Variants in GAS7 observed in about 807,000 individuals in gnomAD.
GAS7 encodes growth arrest specific 7.
GAS7 carries 28 observed loss-of-function variants against 71.1 expected under a neutral mutation model. The observed-to-expected ratio is 0.39, with a 90% CI of 0.29 to 0.54. GAS7 has a LOEUF of 0.54. GAS7 is among the 20% of genes least tolerant of loss of function. The pLI, the probability that GAS7 is intolerant of heterozygous loss-of-function variation, is 0.62. For missense variants in GAS7, 436 were observed against 627.8 expected (o/e 0.69, Z 3.27); for synonymous variants, 258 against 245.8 (o/e 1.05, Z -0.46).
At chr17:9,949,638 C>T (rs188076336) in intron 5 of GAS7, among the ~76,000 whole-genome samples, 3 of 152,294 alleles carry the variant, frequency 2.0e-5, no homozygotes, top group African/African-American at 7.2e-5. Context: ...GCTGAGGTCC[C>T]CACCACCCTA....
chr17:9,933,919 A>G (rs2152083208), intron 9 of GAS7, among the ~76,000 whole-genome samples: 1 of 152,024 alleles, frequency 6.6e-6, no homozygotes, highest in Middle Eastern at 3.4e-3. Flanking sequence ...ACACTTTACT[A>G]TTTTCCATGC....
rs1029754517 is a variant in GAS7, at chr17:9,926,580, C to A, written c.1014+61G>T. ...ATGGAGCCACTGCTGGCTTCCCAGT[C>A]CCCCTTCTTCCAGGCAGTCCCCCAT... On this transcript the variant is annotated intron_variant, in intron 10 of 13. Coordinates refer to ENST00000432992, the MANE Select transcript of GAS7 (RefSeq NM_201433.2). The surrounding 1 kb of genome is among the most constrained non-coding windows in gnomAD (Gnocchi z 5.0). 1 of 1,572,900 alleles carries A rather than the reference C, an allele frequency of 6.4e-7. No individual in the cohort carries two copies. The highest frequency in any genetic ancestry group is 8.7e-7 in the Non-Finnish European group (1 of 1,150,464).
intron 1 of GAS7, among the ~76,000 whole-genome samples, chr17:10,133,557 T>C (rs2074015764): frequency 6.6e-6 from 1 of 152,228 alleles, no homozygotes; most frequent in Admixed American, 6.5e-5. Context: ...TTATTTGTGG[T>C]GAGAACAATT....
intron 1 of GAS7, among the ~76,000 whole-genome samples, chr17:10,180,818 A>C (rs1368461485): frequency 6.6e-6 from 1 of 152,044 alleles, no homozygotes; most frequent in Non-Finnish European, 1.5e-5. Flanking sequence ...TACCATGGGC[A>C]GCAAACTCAG....
chr17:9,959,266 A>G lies in GAS7; in HGVS notation c.472-11T>C, dbSNP rs1465139896. The stretch of plus-strand genomic sequence containing the variant: ...TGAGGATCCCAGGTTCTGGGGAGAG[A>G]GGCAAGAAACATCGTCAAAGCTGTT... On this transcript the variant is annotated splice_polypyrimidine_tract_variant and intron_variant, in intron 4 of 13. Coordinates refer to ENST00000432992, the MANE Select transcript of GAS7 (RefSeq NM_201433.2). The surrounding 1 kb of genome is among the most constrained non-coding windows in gnomAD (Gnocchi z 5.0). 6.2e-7 allele frequency: 1 copy of G among 1,613,950 alleles called. No homozygotes were observed. Among genetic ancestry groups the G allele is most frequent in the Non-Finnish European group, 8.5e-7 (1 of 1,179,954 alleles).
intron 2 of GAS7, among the ~76,000 whole-genome samples, chr17:10,009,691 C>CAAAAAAAAAAAAAAA (rs2071690145): frequency 7.3e-6 from 1 of 136,646 alleles, no homozygotes; most frequent in African/African-American, 3.2e-5. Flanking sequence ...AAAAAAAAAC[C>CAAAAAAAAAAAAAAA]AAACAAAAAA....
Position 10,112,779 on chromosome 17 carries a change from G to A in GAS7, c.183+85429C>T, listed in dbSNP as rs983540881. Among the ~76,000 whole-genome samples the A allele has an allele frequency of 4.6e-4, 60 of 130,244 alleles. 2 individuals are homozygous for A. Among genetic ancestry groups the A allele is most frequent in the East Asian group, 4.3e-4 (2 of 4,608 alleles). The allele number at this position is 130,244 out of a possible 152,430, so 85.4% of individuals were successfully genotyped here. ...AAAAGAAAAAAGAAAGAAAGAAAGA[G>A]AGAAAGAGAAAGAAAGAAAAGAAAA... On this transcript the variant is annotated intron_variant, in intron 1 of 13. Transcript: ENST00000432992.
At chr17:10,064,492 C>T (rs1439831617) in intron 1 of GAS7, among the ~76,000 whole-genome samples, 10 of 152,252 alleles carry the variant, frequency 6.6e-5, no homozygotes, top group Admixed American at 5.2e-4. Flanking sequence ...TCCTGCCTGG[C>T]CAATTAGCAC....
chr17:10,045,604 G>A (rs922984970), intron 1 of GAS7, among the ~76,000 whole-genome samples: 10 of 152,210 alleles, frequency 6.6e-5, no homozygotes, highest in African/African-American at 2.4e-4. Context: ...GGCTGAGACA[G>A]GAGAATTGCT....
At chr17:9,979,624 A>T (rs2152127350) in intron 3 of GAS7, among the ~76,000 whole-genome samples, 1 of 152,136 alleles carries the variant, frequency 6.6e-6, no homozygotes, top group Non-Finnish European at 1.5e-5. Context: ...TGGAGAAGTG[A>T]CCCCATGACT....
intron 1 of GAS7, among the ~76,000 whole-genome samples, chr17:10,147,017 A>C (rs1224074569): frequency 6.6e-6 from 1 of 151,604 alleles, no homozygotes; most frequent in African/African-American, 2.4e-5. Context: ...TTCATTTAGG[A>C]CCTACTGTCT....
At chr17:10,136,930 T>C (rs74503254) in intron 1 of GAS7, among the ~76,000 whole-genome samples, 12,221 of 151,988 alleles carry the variant, frequency 0.08, 1,116 homozygotes, top group East Asian at 0.45. Flanking sequence ...AAGACCAGCA[T>C]GGGAAAGATG....
intron 1 of GAS7, among the ~76,000 whole-genome samples, chr17:10,116,554 C>T (rs557644137): frequency 2.6e-5 from 4 of 152,082 alleles, no homozygotes; most frequent in African/African-American, 4.8e-5. Context: ...TAGCACCAGC[C>T]GCATCCTGCC....
At chr17:9,925,703 T>G (rs2067977286) in intron 10 of GAS7, 104 bp from the exon 11 acceptor site, 2 of 1,270,492 alleles carry the variant, frequency 1.6e-6, no homozygotes, top group African/African-American at 2.9e-5. Context: ...GCCCCTTGTT[T>G]GTGTGGATGA....
intron 2 of GAS7, among the ~76,000 whole-genome samples, chr17:10,002,799 C>T (rs1378711183): frequency 6.6e-6 from 1 of 152,166 alleles, no homozygotes; most frequent in African/African-American, 2.4e-5. Context: ...TTTTCTTAAT[C>T]CAGTCTATCA....
rs368607256 is a variant in GAS7, at chr17:10,004,864, G to A, written c.304+14913C>T. Among the ~76,000 whole-genome samples, 123 of 152,214 alleles carry A rather than the reference G, an allele frequency of 8.1e-4. 1 individual carries two copies. Among genetic ancestry groups the A allele is most frequent in the African/African-American group, 2.9e-3 (121 of 41,534 alleles). ...GTCTCTACAAAAAATACAAAAATTA[G>A]CCAGGTGTGGTGGCGCATGCCTGTA... is the stretch of plus-strand genomic sequence containing the variant. On this transcript the variant is annotated intron_variant, in intron 2 of 13. Coordinates refer to ENST00000432992, the MANE Select transcript of GAS7 (RefSeq NM_201433.2).
chr17:10,164,367 G>C (rs1174873918), intron 1 of GAS7, among the ~76,000 whole-genome samples: 1 of 151,490 alleles, frequency 6.6e-6, no homozygotes, highest in East Asian at 2.0e-4. Flanking sequence ...GCTTGAACCC[G>C]GGAGGCAGAG....
intron 1 of GAS7, among the ~76,000 whole-genome samples, chr17:10,085,955 C>T (rs1390737360): frequency 1.3e-5 from 2 of 152,294 alleles, no homozygotes; most frequent in East Asian, 3.9e-4. Context: ...ACTTCATCCT[C>T]CTGCCTCGCC....
intron 1 of GAS7, among the ~76,000 whole-genome samples, chr17:10,055,828 T>G (rs1293261786): frequency 2.0e-5 from 3 of 152,240 alleles, no homozygotes; most frequent in Non-Finnish European, 4.4e-5. Context: ...TGACACTGAT[T>G]GCTTGCATTG....
Sources: allele counts gnomAD v4.1 joint callset (sites outside exome capture counted in the v4.1 genomes callset), GRCh38; gene constraint gnomAD v4.1.1; non-coding constraint Gnocchi (gnomAD v3.1); transcripts MANE v1.5; gene names NCBI Gene and HGNC (gene_info 2026-07-23, HGNC 2026-07-21).